Variants in PPP1R12B observed in about 807,000 individuals in gnomAD.
The protein encoded by PPP1R12B is protein phosphatase 1 regulatory subunit 12B.
Under a neutral mutation model 126.1 loss-of-function variants are expected in PPP1R12B, and 76 were observed. The observed-to-expected ratio is 0.60, with a 90% confidence interval of 0.50 to 0.73. The LOEUF (loss-of-function observed/expected upper bound fraction) is 0.73, where lower values mean the gene tolerates loss of function less well. Ranked by LOEUF, PPP1R12B falls within the 30% of genes least tolerant of loss-of-function variation. PPP1R12B has a pLI of 0.00. For missense variants in PPP1R12B, 1,052 were observed against 1,205.1 expected, an observed-to-expected ratio of 0.87 and a Z score of 1.88; for synonymous variants, 356 against 434.7, an observed-to-expected ratio of 0.82 and a Z score of 2.25.
At chr1:202,434,488 C>T (rs1670556264) in intron 8 of PPP1R12B, among the ~76,000 whole-genome samples, 168 bp from the exon 9 acceptor site, 1 of 152,080 alleles carries the variant, frequency 6.6e-6, no homozygotes, top group South Asian at 2.1e-4. Context: ...TTTTTTTCTG[C>T]CAACAGTTGC....
intron 1 of PPP1R12B, among the ~76,000 whole-genome samples, chr1:202,388,479 T>A (rs915623715): frequency 6.6e-6 from 1 of 152,226 alleles, no homozygotes; most frequent in African/African-American, 2.4e-5. Flanking sequence ...GTGCTGGGAT[T>A]ACAGGTGTGA....
chr1:202,569,255 G>A, intron 23 of PPP1R12B, 58 bp downstream of exon 23: 3 of 1,535,202 alleles, frequency 2.0e-6, no homozygotes, highest in South Asian at 1.1e-5. Context: ...TGCCAAGACT[G>A]GATATTTGAG....
At chr1:202,546,502 G>A (rs907743618) in intron 18 of PPP1R12B, among the ~76,000 whole-genome samples, 6 of 152,090 alleles carry the variant, frequency 3.9e-5, no homozygotes, top group Admixed American at 1.3e-4. Flanking sequence ...TACTTGGGAG[G>A]CTGAAGTGGG....
At chr1:202,361,547 T>C (rs545836602) in intron 1 of PPP1R12B, among the ~76,000 whole-genome samples, 22 of 152,254 alleles carry the variant, frequency 1.4e-4, no homozygotes, top group Admixed American at 1.4e-3. Flanking sequence ...TCCACACATT[T>C]CCCACCAGGC....
chr1:202,510,762 G>A (rs941204017), intron 18 of PPP1R12B, among the ~76,000 whole-genome samples: 1 of 151,454 alleles, frequency 6.6e-6, no homozygotes, highest in African/African-American at 2.4e-5. Context: ...AATGTACAAG[G>A]TAGACAAAAT....
chr1:202,394,001 C>T (rs1200510260), intron 1 of PPP1R12B, among the ~76,000 whole-genome samples: 1 of 152,188 alleles, frequency 6.6e-6, no homozygotes, highest in African/African-American at 2.4e-5. Context: ...GAAAGAAAAA[C>T]TCACTGAAGT....
intron 18 of PPP1R12B, among the ~76,000 whole-genome samples, chr1:202,506,470 C>G (rs1318520592): frequency 1.3e-5 from 2 of 152,116 alleles, no homozygotes; most frequent in African/African-American, 4.8e-5. Context: ...ACCTAGTGTC[C>G]CATTACATCA....
chr1:202,514,376 G>A (rs1681872419), intron 18 of PPP1R12B, among the ~76,000 whole-genome samples: 1 of 152,090 alleles, frequency 6.6e-6, no homozygotes, highest in Admixed American at 6.5e-5. Context: ...CTATTCTGTA[G>A]GTTGTCTGTA....
At chr1:202,407,197 A>T (rs1020697926) in intron 1 of PPP1R12B, among the ~76,000 whole-genome samples, 1 of 152,224 alleles carries the variant, frequency 6.6e-6, no homozygotes, top group African/African-American at 2.4e-5. Context: ...GAATAAAAGC[A>T]TGGGGAATAG....
chr1:202,430,907 T>A, intron 7 of PPP1R12B, 97 bp downstream of exon 7: 1 of 1,483,450 alleles, frequency 6.7e-7, no homozygotes. Context: ...TCTGTGTTTG[T>A]ATTTAGCCGA....
At chr1:202,371,875 T>C (rs1295364217) in intron 1 of PPP1R12B, among the ~76,000 whole-genome samples, 4 of 144,780 alleles carry the variant, frequency 2.8e-5, no homozygotes, top group African/African-American at 1.0e-4. Flanking sequence ...TTTTTTTTTT[T>C]TTTTTGGAGA....
intron 23 of PPP1R12B, among the ~76,000 whole-genome samples, chr1:202,570,317 C>A (rs1047020303): frequency 3.3e-5 from 5 of 151,286 alleles, no homozygotes; most frequent in Non-Finnish European, 7.4e-5. Flanking sequence ...AAAAAAAAAA[C>A]TTTTTAAGAC....
At chr1:202,367,299 G>T (rs1335826465) in intron 1 of PPP1R12B, among the ~76,000 whole-genome samples, 1 of 152,138 alleles carries the variant, frequency 6.6e-6, no homozygotes, top group Admixed American at 6.5e-5. Flanking sequence ...GACATAGTTG[G>T]TTTCTAATCC....
At chr1:202,437,086 T>C (rs1465823825) in intron 9 of PPP1R12B, among the ~76,000 whole-genome samples, 1 of 152,090 alleles carries the variant, frequency 6.6e-6, no homozygotes, top group Non-Finnish European at 1.5e-5. Flanking sequence ...TCACAGCACT[T>C]TGGGAGGCTG....
intron 18 of PPP1R12B, among the ~76,000 whole-genome samples, chr1:202,531,390 A>G (rs1457929762): frequency 6.6e-6 from 1 of 152,146 alleles, no homozygotes; most frequent in East Asian, 1.9e-4. Context: ...ATATTTTTTA[A>G]CAGTATGGAG....
rs141795640 is a variant in PPP1R12B, at chr1:202,360,382, C to T, written c.291+11240C>T. Among the ~76,000 whole-genome samples, 6 of 152,178 alleles carry T rather than the reference C, an allele frequency of 3.9e-5. No individual in the cohort carries two copies. The East Asian group carries it at 7.7e-4, about 20-fold the overall frequency. ...ACATCACAAGAAGCTCCTTGTATTG[C>T]GCTTCTAATTGGGTTACCAGTGATC... On this transcript the variant is annotated intron_variant, in intron 1 of 23. Transcript: ENST00000608999.
At chr1:202,462,973 G>T (rs1289555354) in intron 13 of PPP1R12B, 1 of 985,166 alleles carries the variant, frequency 1.0e-6, no homozygotes, top group Non-Finnish European at 1.2e-6. Context: ...AGTTGATCTG[G>T]GTGTTCTGGG....
chr1:202,369,114 C>A (rs1659788769), intron 1 of PPP1R12B, among the ~76,000 whole-genome samples: 1 of 152,178 alleles, frequency 6.6e-6, no homozygotes, highest in Non-Finnish European at 1.5e-5. Context: ...TAGTCTTTGC[C>A]TTTAAGAGGC....
intron 18 of PPP1R12B, among the ~76,000 whole-genome samples, chr1:202,520,349 G>A (rs967761215): frequency 1.3e-5 from 2 of 152,154 alleles, no homozygotes; most frequent in Admixed American, 6.5e-5. Context: ...TGTCTTCCAG[G>A]TGCAGGAGTG....
Sources: gnomAD v4.1 joint callset for allele counts (sites outside exome capture counted in the v4.1 genomes callset) on GRCh38, gnomAD v4.1.1 for gene constraint, MANE v1.5 for transcripts, NCBI Gene and HGNC (gene_info 2026-07-23, HGNC 2026-07-21) for gene names.